CREBBP: variants seen among roughly 807,000 people sequenced by gnomAD.
CREBBP encodes the protein CREB binding lysine acetyltransferase.
Under a neutral mutation model 265.0 loss-of-function variants are expected in CREBBP, and 19 were observed. The observed-to-expected ratio is 0.07, with a 90% confidence interval of 0.05 to 0.11. The LOEUF (loss-of-function observed/expected upper bound fraction) is 0.11. CREBBP is among the 10% of genes least tolerant of loss of function. The probability of loss-of-function intolerance (pLI) is 1.00; values close to 1 mark genes in which losing one functional copy is unlikely to be tolerated. For missense variants in CREBBP, 2,525 were observed against 3,219.0 expected (o/e 0.78, Z 5.22); for synonymous variants, 1,457 against 1,223.7 (o/e 1.19, Z -3.98).
At position 3,824,769 on chromosome 16, in the gene CREBBP, A is replaced by T. The variant is rs2054206936; in HGVS notation, c.799-13990T>A. On this transcript the variant is annotated intron_variant, in intron 2 of 30. Coordinates refer to ENST00000262367, the MANE Select transcript of CREBBP (RefSeq NM_004380.3). ...GGCCGGTGCTTCCCGTTCTACTGTA[A>T]CTCTCTAAGCAAAATGTGCCAGGTT... is the stretch of plus-strand genomic sequence containing the variant. 2.0e-5 allele frequency among the ~76,000 whole-genome samples: 3 copies of T among 152,026 alleles called. No individual in the cohort carries two copies. In the South Asian group the frequency reaches 6.2e-4, roughly 32 times the overall value.
At chr16:3,834,861 T>C (rs1263242841) in intron 2 of CREBBP, among the ~76,000 whole-genome samples, 2 of 152,006 alleles carry the variant, frequency 1.3e-5, no homozygotes, top group African/African-American at 2.4e-5. Flanking sequence ...CCCAAAATCT[T>C]TAAAAGCTTT....
chr16:3,835,769 TG>T (rs1404090830), intron 2 of CREBBP, among the ~76,000 whole-genome samples: 2 of 151,442 alleles, frequency 1.3e-5, no homozygotes, highest in African/African-American at 2.4e-5. Flanking sequence ...TTAGTAGAGA[TG>T]GGGGTTTCAC....
At chr16:3,814,164 A>AGTGT (rs35866243) in intron 2 of CREBBP, among the ~76,000 whole-genome samples, 2,827 of 119,738 alleles carry the variant, frequency 0.024, 71 homozygotes, top group African/African-American at 0.048. Context: ...AATGTTGTTT[A>AGTGT]GTGTGTGTGT....
At chr16:3,742,772 C>G (rs1302419151) in intron 23 of CREBBP, 1 of 152,084 alleles carries the variant, frequency 6.6e-6, no homozygotes, top group Non-Finnish European at 1.5e-5. Flanking sequence ...CACGCTCACA[C>G]TGAGAGTAGA....
At chr16:3,821,465 C>T (rs1238777526) in intron 2 of CREBBP, among the ~76,000 whole-genome samples, 2 of 152,176 alleles carry the variant, frequency 1.3e-5, no homozygotes, top group African/African-American at 4.8e-5. Flanking sequence ...TTCCATAGCC[C>T]CGCACCCTGG....
chr16:3,762,228 G>A (rs537025902), intron 16 of CREBBP, among the ~76,000 whole-genome samples: 1 of 152,320 alleles, frequency 6.6e-6, no homozygotes, highest in Non-Finnish European at 1.5e-5. Context: ...CACGGAGAAG[G>A]CCTGCAGACC....
chr16:3,861,276 AT>A (rs2055067613), intron 1 of CREBBP, among the ~76,000 whole-genome samples: 1 of 152,246 alleles, frequency 6.6e-6, no homozygotes, highest in Non-Finnish European at 1.5e-5. Flanking sequence ...TCCCAAAAAA[AT>A]AAATAAATAA....
chr16:3,763,849 T>TC (rs1042339110), intron 16 of CREBBP, among the ~76,000 whole-genome samples: 3 of 150,358 alleles, frequency 2.0e-5, no homozygotes, highest in South Asian at 2.1e-4. Flanking sequence ...GCAATCTTTT[T>TC]TTTTTTTTTT....
rs370958234 is a variant in CREBBP, at chr16:3,878,768, G to A, written c.85+1064C>T. On this transcript the variant is annotated intron_variant, in intron 1 of 30. Coordinates refer to ENST00000262367, the MANE Select transcript of CREBBP (RefSeq NM_004380.3). ...AGAAATGCAAGCTGCGCTGGAGATG[G>A]AATTGTTCGCAGCGGCACACAAGTT... Among the ~76,000 whole-genome samples the A allele has an allele frequency of 3.9e-5, 6 of 152,202 alleles. No homozygotes were observed. The East Asian group carries it at 1.2e-3, about 29-fold the overall frequency.
intron 1 of CREBBP, among the ~76,000 whole-genome samples, chr16:3,879,305 G>A (rs2055472007): frequency 6.6e-6 from 1 of 151,934 alleles, no homozygotes; most frequent in African/African-American, 2.4e-5. Context: ...TCTTTCCAAG[G>A]AACTCACTCA....
rs527237105 is a variant in CREBBP, at chr16:3,852,456, C to T, written c.86-1447G>A. On this transcript the variant is annotated intron_variant, in intron 1 of 30. Coordinates refer to ENST00000262367, the MANE Select transcript of CREBBP (RefSeq NM_004380.3). ...AAAGTGCTGGGATTACAGGTGTGAG[C>T]CACCGTGCCCGGCCGATTACATTAT... Among the ~76,000 whole-genome samples the T allele has an allele frequency of 1.3e-4, 20 of 152,190 alleles. No individual in the cohort carries two copies. In the South Asian group the frequency reaches 1.7e-3, roughly 13 times the overall value.
At chr16:3,787,917 G>A (rs776450701) in intron 5 of CREBBP, among the ~76,000 whole-genome samples, 20 of 152,086 alleles carry the variant, frequency 1.3e-4, no homozygotes, top group Non-Finnish European at 1.6e-4. Flanking sequence ...CAGGCAACCC[G>A]CCTGTCTCAC....
chr16:3,774,035 A>AC, intron 12 of CREBBP, 105 bp from the exon 13 acceptor site: 1 of 1,271,454 alleles, frequency 7.9e-7, no homozygotes, highest in Non-Finnish European at 1.1e-6. Context: ...AGAGGATGGC[A>AC]AGCACAGGGC....
chr16:3,751,838 T>A (rs1289672427), intron 19 of CREBBP, 32 bp from the exon 20 acceptor site: 2 of 1,607,584 alleles, frequency 1.2e-6, no homozygotes, highest in Non-Finnish European at 1.7e-6. Context: ...TTGGGTGAAC[T>A]GGTCCATCAT....
intron 5 of CREBBP, among the ~76,000 whole-genome samples, chr16:3,785,221 G>A (rs76065539): frequency 3.9e-5 from 6 of 152,134 alleles, no homozygotes; most frequent in Non-Finnish European, 5.9e-5. Flanking sequence ...CTCCATGGTG[G>A]TATTCCCAAT....
At chr16:3,856,050 C>T (rs541959430) in intron 1 of CREBBP, among the ~76,000 whole-genome samples, 50 of 152,038 alleles carry the variant, frequency 3.3e-4, no homozygotes, top group African/African-American at 1.1e-3. Context: ...ATTCTGTAAC[C>T]CCTTAATATA....
chr16:3,759,232 G>A (rs2052654469), intron 16 of CREBBP, among the ~76,000 whole-genome samples: 1 of 152,154 alleles, frequency 6.6e-6, no homozygotes, highest in East Asian at 1.9e-4. Context: ...TTAAAAACTT[G>A]GCTGAAAAAG....
At chr16:3,764,630 C>G (rs2052803301) in intron 16 of CREBBP, among the ~76,000 whole-genome samples, 1 of 152,144 alleles carries the variant, frequency 6.6e-6, no homozygotes, top group Admixed American at 6.6e-5. Context: ...GTTGTCCAGG[C>G]TGGAGTCCAA....
In CREBBP at chr16:3,780,405, C is replaced by T. The variant is rs149800022; in HGVS notation, c.1823+327G>A. On this transcript the variant is annotated intron_variant, in intron 8 of 30. Coordinates refer to ENST00000262367, the MANE Select transcript of CREBBP (RefSeq NM_004380.3). ...AATAAGGTGAGGCTCTTGAGCTAAC[C>T]CCAGCCCCCTCACGCAGCCTAAAGT... Among the ~76,000 whole-genome samples the T allele has an allele frequency of 1.2e-3, 182 of 152,242 alleles. No individual in the cohort carries two copies. The East Asian group carries it at 0.021, about 17-fold the overall frequency.
Sources: allele counts gnomAD v4.1 joint callset (sites outside exome capture counted in the v4.1 genomes callset), GRCh38; gene constraint gnomAD v4.1.1; transcripts MANE v1.5; gene names NCBI Gene and HGNC (gene_info 2026-07-23, HGNC 2026-07-21).